The following SULT6B1 variants were observed in gnomAD, a reference collection of about 807,000 sequenced individuals.
SULT6B1 encodes sulfotransferase 6B1.
In SULT6B1, 44 loss-of-function variants were observed where a neutral mutation model predicts 37.2. The ratio of observed to expected loss-of-function variants is 1.18; its 90% CI spans 0.93 to 1.52. SULT6B1 has a LOEUF of 1.52. SULT6B1 is among the 40% of genes most tolerant of loss of function. SULT6B1 has a pLI of 0.00. For synonymous variants in SULT6B1, 140 were observed against 126.0 expected (o/e 1.11, Z -0.74); for missense variants, 450 against 361.0 (o/e 1.25, Z -2.00).
chr2:37,191,182 T>C (rs527698524), upstream of SULT6B1: 1 of 150,706 alleles, frequency 6.6e-6, no homozygotes, highest in East Asian at 2.0e-4. Context: ...GGCATAGGTT[T>C]AATTGTTAGT....
At chr2:37,176,307 G>T (rs968412608) in intron 4 of SULT6B1, among the ~76,000 whole-genome samples, 1 of 110,938 alleles carries the variant, frequency 9.0e-6, no homozygotes, top group East Asian at 3.1e-4. Context: ...CTGTCACCCC[G>T]GCTGGAGTGC....
intron 6 of SULT6B1, among the ~76,000 whole-genome samples, chr2:37,171,023 G>A (rs1676285264): frequency 6.6e-6 from 1 of 152,132 alleles, no homozygotes; most frequent in African/African-American, 2.4e-5. Context: ...CGGATCACAA[G>A]TTCAGGAGAT....
At chr2:37,192,545 G>C (rs1393116894), upstream of SULT6B1, among the ~76,000 whole-genome samples, 1 of 152,168 alleles carries the variant, frequency 6.6e-6, no homozygotes, top group East Asian at 1.9e-4. Context: ...ATAATAATGT[G>C]ATGATATTAG....
intron 2 of SULT6B1, among the ~76,000 whole-genome samples, chr2:37,185,901 G>T (rs1198053036): frequency 6.6e-6 from 1 of 152,018 alleles, no homozygotes; most frequent in Admixed American, 6.6e-5. Flanking sequence ...TGCCCCTGTT[G>T]GTCCATCCTA....
chr2:37,187,500 A>C, intron 1 of SULT6B1, 33 bp from the exon 2 acceptor site: 2 of 1,381,364 alleles, frequency 1.4e-6, no homozygotes, highest in Non-Finnish European at 1.0e-6. Flanking sequence ...AAAACTCATT[A>C]CGGAGTCTTG....
rs62135024 is a variant in SULT6B1 at position 37,193,675 on chromosome 2, G to T, written c.-22+2841C>A. On this transcript the variant is annotated intron_variant, in intron 1 of 7. Coordinates refer to the SULT6B1 transcript ENST00000407963. Reference sequence around the variant, plus strand: ...AGGAGAAGAAGGAGAAGAAGGAGAAGAAGGAGAAAATATGAAAAGAAATGT... The same window carrying T: ...AGGAGAAGAAGGAGAAGAAGGAGAATAAGGAGAAAATATGAAAAGAAATGT... Among the ~76,000 whole-genome samples the T allele has an allele frequency of 9.5e-3, 1,431 of 151,030 alleles. 7 individuals are homozygous for T. The highest frequency in any genetic ancestry group is 0.014 in the Non-Finnish European group (971 of 67,670).
intron 5 of SULT6B1, 81 bp downstream of exon 5, chr2:37,175,051 A>T: frequency 1.3e-6 from 1 of 761,776 alleles, no homozygotes; most frequent in Non-Finnish European, 2.0e-6. Flanking sequence ...ATATTTGTTT[A>T]TACAAACAGA....
rs1572466870 is a variant in SULT6B1, at chr2:37,188,320, C to T, written c.199+122G>A. ...CGTACTTAACCACTGTGGCCCTCCT[C>T]CTCACTGATGCTCAGACAGATTCCT... On this transcript the variant is annotated intron_variant, in intron 1 of 6. Coordinates refer to ENST00000535679, the MANE Select transcript of SULT6B1 (RefSeq NM_001367551.1). 5.2e-6 allele frequency: 4 copies of T among 768,678 alleles called. No individual in the cohort carries two copies. In the East Asian group the frequency reaches 1.0e-4, roughly 19 times the overall value. The allele number at this position is 768,678 out of a possible 1,614,324, so 47.6% of individuals were successfully genotyped here.
At chr2:37,187,595 C>T in intron 1 of SULT6B1, 128 bp from the exon 2 acceptor site, 2 of 493,028 alleles carry the variant, frequency 4.1e-6, no homozygotes. Context: ...TTTAGTTCTT[C>T]TGTCTTTGAA....
intron 4 of SULT6B1, among the ~76,000 whole-genome samples, chr2:37,178,377 A>C (rs1465980893): frequency 6.6e-6 from 1 of 152,116 alleles, no homozygotes; most frequent in African/African-American, 2.4e-5. Flanking sequence ...CTGGGATTAC[A>C]GGCATGCAAC....
At chr2:37,180,701 T>C (rs944333083) in intron 3 of SULT6B1, among the ~76,000 whole-genome samples, 6 of 152,204 alleles carry the variant, frequency 3.9e-5, no homozygotes, top group African/African-American at 1.2e-4. Context: ...CTGGCCAACA[T>C]GGGGAAACCC....
At chr2:37,173,194 G>T (rs1260022570) in intron 5 of SULT6B1, among the ~76,000 whole-genome samples, 1 of 152,056 alleles carries the variant, frequency 6.6e-6, no homozygotes, top group Admixed American at 6.6e-5. Context: ...TGTAAGACTG[G>T]TGTTAGAAAC....
chr2:37,194,360 A>G, intron 1 of SULT6B1: 2 of 344,092 alleles, frequency 5.8e-6, no homozygotes, highest in Non-Finnish European at 1.1e-5. Flanking sequence ...GGTTACAGGC[A>G]TGAGCCACCG....
At chr2:37,183,819 T>G (rs1172454803) in intron 2 of SULT6B1, among the ~76,000 whole-genome samples, 3 of 152,126 alleles carry the variant, frequency 2.0e-5, no homozygotes, top group African/African-American at 7.2e-5. Flanking sequence ...AATTTTTGTA[T>G]TTTTAGTAGA....
intron 2 of SULT6B1, among the ~76,000 whole-genome samples, chr2:37,185,559 A>G (rs1351961259): frequency 6.6e-6 from 1 of 151,970 alleles, no homozygotes; most frequent in Non-Finnish European, 1.5e-5. Context: ...TCTACTAAAA[A>G]TACAAAACAT....
chr2:37,168,400 C>T (rs558243565), intron 6 of SULT6B1, among the ~76,000 whole-genome samples: 2 of 152,116 alleles, frequency 1.3e-5, no homozygotes, highest in African/African-American at 4.8e-5. Context: ...TCAGGTGATC[C>T]GCCAGCCTCG....
At chr2:37,168,572 G>T (rs1676230751) in intron 6 of SULT6B1, among the ~76,000 whole-genome samples, 1 of 152,156 alleles carries the variant, frequency 6.6e-6, no homozygotes, top group Admixed American at 6.5e-5. Context: ...TCACTAGGGG[G>T]AGCCATCAGC....
intron 6 of SULT6B1, 129 bp downstream of exon 6, chr2:37,171,305 T>C (rs1230565944): frequency 2.1e-5 from 24 of 1,128,856 alleles, no homozygotes; most frequent in Non-Finnish European, 3.0e-5. Flanking sequence ...AGAGCCTGTG[T>C]CCAGACCTCT....
At chr2:37,188,054 T>A (rs753689512) in intron 1 of SULT6B1, among the ~76,000 whole-genome samples, 1 of 152,150 alleles carries the variant, frequency 6.6e-6, no homozygotes, top group Non-Finnish European at 1.5e-5. Flanking sequence ...AACATGGAAA[T>A]CATCATGTAA....
Sources: allele counts gnomAD v4.1 joint callset (sites outside exome capture counted in the v4.1 genomes callset), GRCh38; gene constraint gnomAD v4.1.1; transcripts MANE v1.5; gene names NCBI Gene and HGNC (gene_info 2026-07-23, HGNC 2026-07-21).